Variants in NTM observed in about 807,000 individuals in gnomAD.
The protein encoded by NTM is neurotrimin, also known as IgLON family member 2.
NTM carries 13 observed loss-of-function variants against 42.1 expected under a neutral mutation model. The ratio of observed to expected loss-of-function variants is 0.31; its 90% CI spans 0.20 to 0.49. The LOEUF (loss-of-function observed/expected upper bound fraction) is 0.49. Ranked by LOEUF, NTM falls within the 20% of genes least tolerant of loss-of-function variation. NTM has a pLI of 0.99. For missense variants in NTM, 373 were observed against 452.8 expected (o/e 0.82, Z 1.60); for synonymous variants, 187 against 179.2 (o/e 1.04, Z -0.35).
At chr11:131,390,359 G>A (rs1440372973) in intron 1 of NTM, among the ~76,000 whole-genome samples, 1 of 152,076 alleles carries the variant, frequency 6.6e-6, no homozygotes, top group African/African-American at 2.4e-5. Context: ...CTCCAATACT[G>A]GAAATCACGT....
intron 2 of NTM, among the ~76,000 whole-genome samples, chr11:132,071,565 TA>T (rs1250146766): frequency 6.6e-6 from 1 of 152,154 alleles, no homozygotes; most frequent in African/African-American, 2.4e-5. Context: ...ATCATGAAAA[TA>T]CATTAGCCAT....
chr11:131,787,303 T>A (rs1292853954), intron 1 of NTM, among the ~76,000 whole-genome samples: 1 of 150,334 alleles, frequency 6.7e-6, no homozygotes, highest in Non-Finnish European at 1.5e-5. Context: ...TACACAAAAA[T>A]GAAAATACTT....
At chr11:131,435,245 T>G (rs994367197) in intron 1 of NTM, among the ~76,000 whole-genome samples, 1 of 152,236 alleles carries the variant, frequency 6.6e-6, no homozygotes, top group African/African-American at 2.4e-5. Flanking sequence ...CTTTGTTCTT[T>G]TTGCTTAGGA....
At chr11:132,099,693 A>G (rs1566156262) in intron 2 of NTM, among the ~76,000 whole-genome samples, 1 of 152,214 alleles carries the variant, frequency 6.6e-6, no homozygotes, top group Non-Finnish European at 1.5e-5. Flanking sequence ...AGCAAGTCTT[A>G]ACTTAAGAAA....
intron 1 of NTM, among the ~76,000 whole-genome samples, chr11:131,421,225 A>G (rs1475938570): frequency 6.6e-6 from 1 of 152,176 alleles, no homozygotes; most frequent in Non-Finnish European, 1.5e-5. Context: ...AGCCTAGGGA[A>G]TGGCTGACTC....
intron 2 of NTM, among the ~76,000 whole-genome samples, chr11:132,056,536 A>G (rs542474931): frequency 6.6e-6 from 1 of 152,332 alleles, no homozygotes; most frequent in Admixed American, 6.5e-5. Context: ...AATCTTTGAT[A>G]TTTAGGATGA....
intron 7 of NTM, among the ~76,000 whole-genome samples, chr11:132,326,074 G>A (rs1017130424): frequency 2.0e-5 from 3 of 152,150 alleles, no homozygotes; most frequent in Admixed American, 6.5e-5. Flanking sequence ...GCTAAATGAC[G>A]AGTTAATGGG....
chr11:131,396,229 C>T (rs1203929482), intron 1 of NTM, among the ~76,000 whole-genome samples: 2 of 152,198 alleles, frequency 1.3e-5, no homozygotes, highest in African/African-American at 4.8e-5. Context: ...TCCTCACCTA[C>T]AAAACGGGGT....
intron 1 of NTM, among the ~76,000 whole-genome samples, chr11:131,650,379 C>T (rs1241904016): frequency 6.6e-6 from 1 of 152,166 alleles, no homozygotes; most frequent in Non-Finnish European, 1.5e-5. Context: ...CATTACTGAC[C>T]TCATTGGATG....
chr11:131,703,977 C>T (rs1331553948), intron 1 of NTM, among the ~76,000 whole-genome samples: 1 of 152,142 alleles, frequency 6.6e-6, no homozygotes, highest in Non-Finnish European at 1.5e-5. Flanking sequence ...TCCACAGAAC[C>T]AGGCTTTAGA....
chr11:131,806,155 C>G (rs754931337), intron 1 of NTM, among the ~76,000 whole-genome samples: 3 of 152,018 alleles, frequency 2.0e-5, no homozygotes, highest in Non-Finnish European at 2.9e-5. Flanking sequence ...AATTAGATTA[C>G]CTGCTAAATT....
At chr11:132,161,994 A>G (rs2074389536) in intron 3 of NTM, among the ~76,000 whole-genome samples, 1 of 152,114 alleles carries the variant, frequency 6.6e-6, no homozygotes, top group South Asian at 2.1e-4. Context: ...CCCGGTTGAA[A>G]TTCTCTCCGT....
chr11:132,082,691 G>A (rs2059237479), intron 2 of NTM, among the ~76,000 whole-genome samples: 1 of 152,184 alleles, frequency 6.6e-6, no homozygotes, highest in Non-Finnish European at 1.5e-5. Flanking sequence ...ATAAGGACAA[G>A]GATGAAGACT....
intron 4 of NTM, among the ~76,000 whole-genome samples, chr11:132,299,652 G>A (rs1056744228): frequency 2.0e-5 from 3 of 152,160 alleles, no homozygotes; most frequent in Non-Finnish European, 4.4e-5. Flanking sequence ...CTTATATGAT[G>A]GGAACCACCT....
rs1224959286 is a variant in NTM at position 131,873,646 on chromosome 11, T to C, written c.83-37918T>C. On this transcript the variant is annotated intron_variant, in intron 1 of 8. Transcript: ENST00000683400. ...ATACATATATATATACACATATATA[T>C]ATACACACATATATATACACATATA... 1.6e-5 allele frequency among the ~76,000 whole-genome samples: 2 copies of C among 127,168 alleles called. 1 individual carries two copies. The highest frequency in any genetic ancestry group is 7.4e-5 in the African/African-American group (2 of 27,060). The allele number at this position is 127,168 out of a possible 152,430, so 83.4% of individuals were successfully genotyped here.
intron 2 of NTM, among the ~76,000 whole-genome samples, chr11:132,043,743 C>T (rs185112466): frequency 7.6e-4 from 115 of 152,278 alleles, no homozygotes; most frequent in African/African-American, 2.6e-3. Context: ...AGTCTGGGGA[C>T]TTACCATTGT....
intron 2 of NTM, chr11:131,921,997 G>GT (rs2057293913): frequency 6.6e-6 from 1 of 152,548 alleles, no homozygotes; most frequent in Non-Finnish European, 1.5e-5. Flanking sequence ...TGGACTTAAT[G>GT]ATCTGTCACC....
In NTM at chr11:131,656,974, G is replaced by A. The variant is rs139189124; in HGVS notation, c.83-254590G>A. On this transcript the variant is annotated intron_variant, in intron 1 of 8. Coordinates refer to ENST00000683400, the MANE Select transcript of NTM (RefSeq NM_001352005.2). ...GGTCTGGCGCTGTTGCTCAGCTCTC[G>A]GAGGCTGAGGAGTGTCCCTGGCTCT... Among the ~76,000 whole-genome samples the A allele has an allele frequency of 2.1e-4, 32 of 152,156 alleles. 1 individual carries two copies. The highest frequency in any genetic ancestry group is 1.6e-3 in the Admixed American group (25 of 15,274).
intron 1 of NTM, among the ~76,000 whole-genome samples, chr11:131,783,619 A>C (rs2088584996): frequency 6.6e-6 from 1 of 151,810 alleles, no homozygotes; most frequent in African/African-American, 2.4e-5. Flanking sequence ...TTCTTACCTC[A>C]TGTCATACAC....
Sources: allele counts gnomAD v4.1 joint callset (sites outside exome capture counted in the v4.1 genomes callset), GRCh38; gene constraint gnomAD v4.1.1; transcripts MANE v1.5; gene names NCBI Gene and HGNC (gene_info 2026-07-23, HGNC 2026-07-21).